TTC7A: variants seen among roughly 807,000 people sequenced by gnomAD.
TTC7A encodes tetratricopeptide repeat protein 7A.
TTC7A carries 110 observed loss-of-function variants against 103.7 expected under a neutral mutation model. That is an observed-to-expected ratio of 1.06 (90% CI 0.91 to 1.24). The LOEUF (loss-of-function observed/expected upper bound fraction) is 1.24, where lower values mean the gene tolerates loss of function less well. Among genes scored for constraint, TTC7A ranks in the 50% most tolerant of loss-of-function variants. TTC7A has a pLI of 0.00. For synonymous variants in TTC7A, 521 were observed against 467.9 expected (o/e 1.11, Z -1.47); for missense variants, 1,340 against 1,116.3 (o/e 1.20, Z -2.86).
intron 8 of TTC7A, among the ~76,000 whole-genome samples, chr2:47,002,432 C>A (rs1676916619): frequency 6.6e-6 from 1 of 152,176 alleles, no homozygotes; most frequent in Non-Finnish European, 1.5e-5. Flanking sequence ...TCTGTTACTG[C>A]ATTTGATCTA....
chr2:47,040,902 G>A (rs180727224), intron 15 of TTC7A, among the ~76,000 whole-genome samples: 95 of 152,328 alleles, frequency 6.2e-4, no homozygotes, highest in Non-Finnish European at 5.7e-4. Context: ...TTTGAGTAAC[G>A]ACACAGTGTG....
At chr2:47,017,677 C>T (rs1256667190) in intron 11 of TTC7A, among the ~76,000 whole-genome samples, 3 of 152,180 alleles carry the variant, frequency 2.0e-5, no homozygotes, top group African/African-American at 7.2e-5. Flanking sequence ...GCATAGTGGA[C>T]TGTGCGGGCC....
chr2:46,977,473 G>A (rs1048650040), intron 4 of TTC7A, among the ~76,000 whole-genome samples: 4 of 152,234 alleles, frequency 2.6e-5, no homozygotes, highest in Admixed American at 1.3e-4. Context: ...CCCTGTTAGA[G>A]CTGAGGCTTT....
intron 8 of TTC7A, among the ~76,000 whole-genome samples, chr2:47,001,907 TG>T (rs1301160011): frequency 6.6e-6 from 1 of 151,248 alleles, no homozygotes; most frequent in Non-Finnish European, 1.5e-5. Context: ...CGCATAGGGC[TG>T]GCTGTTTGAC....
At chr2:47,025,576 C>G (rs1679812920) in intron 14 of TTC7A, among the ~76,000 whole-genome samples, 2 of 152,182 alleles carry the variant, frequency 1.3e-5, no homozygotes, top group Admixed American at 1.3e-4. Context: ...ATGCCTAGAC[C>G]CTTGTCCCGG....
intron 3 of TTC7A, among the ~76,000 whole-genome samples, chr2:46,965,422 A>G (rs1358806356): frequency 1.3e-5 from 2 of 152,170 alleles, no homozygotes; most frequent in Non-Finnish European, 2.9e-5. Flanking sequence ...TCTTGGCCCC[A>G]GGTGAGAGGC....
chr2:46,951,544 C>T (rs552259961), intron 2 of TTC7A: 1 of 442,838 alleles, frequency 2.3e-6, no homozygotes, highest in East Asian at 7.6e-5. Context: ...TTCCTTGCTT[C>T]CTTCCCCTCT....
chr2:47,037,241 A>G (rs910667372), intron 15 of TTC7A, among the ~76,000 whole-genome samples: 9 of 152,116 alleles, frequency 5.9e-5, no homozygotes, highest in Non-Finnish European at 1.5e-5. Flanking sequence ...GTTTGGAAGT[A>G]CCTTTGGAGC....
chr2:46,959,456 A>AG (rs1672188571), intron 3 of TTC7A, among the ~76,000 whole-genome samples: 1 of 152,058 alleles, frequency 6.6e-6, no homozygotes, highest in Non-Finnish European at 1.5e-5. Context: ...ATCTGGCTGG[A>AG]GGAGGAGGAC....
intron 2 of TTC7A, 108 bp from the exon 3 acceptor site, chr2:46,956,731 G>A: frequency 8.6e-7 from 1 of 1,160,962 alleles, no homozygotes; most frequent in Non-Finnish European, 1.3e-6. Context: ...TGGAGGAGGA[G>A]GGGAGTTCTG....
intron 2 of TTC7A, 116 bp from the exon 3 acceptor site, chr2:46,956,723 G>C: frequency 9.4e-7 from 1 of 1,062,666 alleles, no homozygotes; most frequent in Non-Finnish European, 1.4e-6. Context: ...AGGCTTTCTG[G>C]AGGAGGAGGG....
chr2:46,961,128 C>T (rs1408088511), intron 3 of TTC7A, among the ~76,000 whole-genome samples: 1 of 152,228 alleles, frequency 6.6e-6, no homozygotes, highest in South Asian at 2.1e-4. Flanking sequence ...CCTACGGACC[C>T]CTGACCAAAC....
chr2:46,993,466 A>G lies in TTC7A; in HGVS notation c.781A>G (p.Met261Val), dbSNP rs745417467. ...TCCCACCAGGAACATCGTGAAGGGC[A>G]TGAGAGAGCTCCGGGAGGTGCTGCG... ...NLKKGNIVKGMRELREVLRTV... is the reference protein window; with the variant it reads ...NLKKGNIVKGVRELREVLRTV... The change falls in exon 6 of 20, where the codon ATG becomes GTG. Residue 261 changes from methionine to valine, a missense_variant. Transcript: ENST00000319190. 3.1e-6 allele frequency: 5 copies of G among 1,614,096 alleles called. No homozygotes were observed. The Admixed American group carries it at 8.3e-5, about 27-fold the overall frequency.
upstream of TTC7A, chr2:46,941,045 G>T (rs555775679): frequency 6.6e-6 from 1 of 151,914 alleles, no homozygotes; most frequent in South Asian, 1.8e-4. This position sits in a 1 kb window ranked among gnomAD's most constrained non-coding sequence, Gnocchi z 4.2. Context: ...CGCGGCGGGG[G>T]CGGCGGCGGG....
At chr2:46,963,687 T>C (rs1304885024) in intron 3 of TTC7A, among the ~76,000 whole-genome samples, 1 of 152,224 alleles carries the variant, frequency 6.6e-6, no homozygotes, top group South Asian at 2.1e-4. Flanking sequence ...TGGCCCCTTG[T>C]ACTAGAAAGT....
intron 15 of TTC7A, among the ~76,000 whole-genome samples, chr2:47,039,371 C>G (rs1047212371): frequency 2.6e-5 from 4 of 152,204 alleles, no homozygotes; most frequent in Non-Finnish European, 5.9e-5. Flanking sequence ...GCAGCCAGCT[C>G]TGCTCTGCCA....
rs1677313575 is a variant in TTC7A, at chr2:47,005,835, CT to C, written c.1066-86del. On this transcript the variant is annotated intron_variant, in intron 8 of 19. Coordinates refer to ENST00000319190, the MANE Select transcript of TTC7A (RefSeq NM_020458.4). ...GGCAGTGGCAAAAAGGTGATAGCGGCTGGGCCAGCAAGGTGGGGGCCCTGCG... is the reference window on the plus strand; with the variant it reads ...GGCAGTGGCAAAAAGGTGATAGCGGCGGGCCAGCAAGGTGGGGGCCCTGCG... 41 of 1,494,210 alleles carry C rather than the reference CT, an allele frequency of 2.7e-5. 1 individual carries two copies. In the South Asian group the frequency reaches 4.7e-4, roughly 17 times the overall value. The allele number at this position is 1,494,210 out of a possible 1,614,324, so 92.6% of individuals were successfully genotyped here. A position where few individuals can be genotyped will look rare whatever the true frequency, so the allele number is the denominator to read the frequency against.
intron 5 of TTC7A, among the ~76,000 whole-genome samples, chr2:46,988,865 C>G (rs1348082034): frequency 6.6e-6 from 1 of 152,180 alleles, no homozygotes; most frequent in Non-Finnish European, 1.5e-5. Context: ...CTGCCTCTCC[C>G]TTTTGGTAAG....
chr2:46,924,965 T>C (rs1234529114), intron 2 of TTC7A, among the ~76,000 whole-genome samples: 2 of 152,246 alleles, frequency 1.3e-5, no homozygotes, highest in Admixed American at 6.5e-5. Flanking sequence ...TAGTTTTTGG[T>C]AAATCATACA....
Sources: allele counts gnomAD v4.1 joint callset (sites outside exome capture counted in the v4.1 genomes callset), GRCh38; gene constraint gnomAD v4.1.1; non-coding constraint Gnocchi (gnomAD v3.1); transcripts MANE v1.5; gene names NCBI Gene and HGNC (gene_info 2026-07-23, HGNC 2026-07-21).